SIL1: variants seen among roughly 807,000 people sequenced by gnomAD.
The protein encoded by SIL1 is SIL1 nucleotide exchange factor.
Under a neutral mutation model 49.1 loss-of-function variants are expected in SIL1, and 40 were observed. That is an observed-to-expected ratio of 0.81 (90% confidence interval 0.63 to 1.06). The LOEUF (loss-of-function observed/expected upper bound fraction) is 1.06. Among genes scored for constraint, SIL1 ranks in the 50% least tolerant of loss-of-function variants. The probability of loss-of-function intolerance (pLI) is 0.00; values close to 1 mark genes in which losing one functional copy is unlikely to be tolerated. For missense variants in SIL1, 500 were observed against 572.6 expected, an observed-to-expected ratio of 0.87 and a Z score of 1.29; for synonymous variants, 253 against 250.8, an observed-to-expected ratio of 1.01 and a Z score of -0.08.
chr5:139,133,418 A>C (rs1750908736), intron 1 of SIL1: 2 of 152,274 alleles, frequency 1.3e-5, no homozygotes, highest in African/African-American at 2.4e-5. Flanking sequence ...CACCTCTCTC[A>C]GTGCCTCATG....
chr5:139,117,798 A>AG (rs1160949229), intron 3 of SIL1, among the ~76,000 whole-genome samples: 1 of 152,292 alleles, frequency 6.6e-6, no homozygotes, highest in East Asian at 1.9e-4. Flanking sequence ...GATAGACTTC[A>AG]GGAGATTCAC....
chr5:139,074,057 T>C (rs1483328198), intron 3 of SIL1, among the ~76,000 whole-genome samples: 3 of 152,230 alleles, frequency 2.0e-5, no homozygotes, highest in Non-Finnish European at 2.9e-5. Flanking sequence ...AGCTATACTT[T>C]AGTTTGTTTT....
intron 7 of SIL1, among the ~76,000 whole-genome samples, chr5:138,958,521 T>C (rs1766948527): frequency 6.6e-6 from 1 of 152,196 alleles, no homozygotes; most frequent in African/African-American, 2.4e-5. Flanking sequence ...GTAGTCGTTT[T>C]GGCAATCATT....
At chr5:139,180,011 G>C (rs1258086718) in intron 1 of SIL1, among the ~76,000 whole-genome samples, 1 of 150,216 alleles carries the variant, frequency 6.7e-6, no homozygotes, top group Admixed American at 6.7e-5. Flanking sequence ...AGCCAAGACT[G>C]TGCCACTGCA....
In SIL1 at chr5:138,946,761, T is replaced by A. The variant is rs904566698; in HGVS notation, c.*356A>T. 6 of 309,638 alleles carry A rather than the reference T, an allele frequency of 1.9e-5. No homozygotes were observed. Among genetic ancestry groups the A allele is most frequent in the African/African-American group, 1.1e-4 (5 of 46,926 alleles). 19.2% of individuals were successfully genotyped at this position (309,638 alleles called of 1,614,324 possible). A position where few individuals can be genotyped will look rare whatever the true frequency, so the allele number is the denominator to read the frequency against. On this transcript the variant is annotated 3_prime_UTR_variant, in exon 10 of 10. Transcript: ENST00000394817. The stretch of plus-strand genomic sequence containing the variant: ...CTCCTTTAATGGCACTCCTGACAGA[T>A]GAGGAAACAAGCTCAGAGCAATTAA...
At chr5:138,992,571 C>A (rs1182751009) in intron 7 of SIL1, among the ~76,000 whole-genome samples, 1 of 152,172 alleles carries the variant, frequency 6.6e-6, no homozygotes, top group Non-Finnish European at 1.5e-5. Flanking sequence ...TCTTGGTATG[C>A]TATGCTCTTC....
chr5:139,106,437 C>A (rs1770714660), intron 3 of SIL1, among the ~76,000 whole-genome samples: 1 of 152,224 alleles, frequency 6.6e-6, no homozygotes, highest in Non-Finnish European at 1.5e-5. Context: ...CCATTTGTCA[C>A]AGCATTGAGT....
intron 1 of SIL1, among the ~76,000 whole-genome samples, chr5:139,192,415 G>T (rs1475107742): frequency 6.6e-6 from 1 of 152,172 alleles, no homozygotes; most frequent in Non-Finnish European, 1.5e-5. Flanking sequence ...TGCCAGTGAT[G>T]ATAAGTGGTA....
intron 3 of SIL1, among the ~76,000 whole-genome samples, chr5:139,084,048 T>C (rs1770153597): frequency 7.0e-6 from 1 of 143,720 alleles, no homozygotes; most frequent in Admixed American, 7.0e-5. Context: ...ATATCTCTGT[T>C]TTGGTACCAG....
At chr5:139,058,467 G>A (rs1345239587) in intron 3 of SIL1, among the ~76,000 whole-genome samples, 1 of 152,132 alleles carries the variant, frequency 6.6e-6, no homozygotes, top group Non-Finnish European at 1.5e-5. Context: ...TACCACTGTG[G>A]TAATCATCTA....
At chr5:139,171,299 G>A (rs1183652238) in intron 1 of SIL1, among the ~76,000 whole-genome samples, 1 of 152,066 alleles carries the variant, frequency 6.6e-6, no homozygotes, top group African/African-American at 2.4e-5. Flanking sequence ...TCGGATGGTT[G>A]CCGTATCTGT....
At chr5:139,072,638 G>A (rs1769858520) in intron 3 of SIL1, among the ~76,000 whole-genome samples, 1 of 152,176 alleles carries the variant, frequency 6.6e-6, no homozygotes, top group Non-Finnish European at 1.5e-5. Flanking sequence ...AAAGCTCCAT[G>A]ACATTAGTCT....
intron 5 of SIL1, chr5:139,034,543 A>G (rs887232252): frequency 6.6e-6 from 1 of 152,192 alleles, no homozygotes; most frequent in Non-Finnish European, 1.5e-5. Flanking sequence ...AATATACATA[A>G]GTAACATCAT....
chr5:139,127,617 C>A (rs1750778937), intron 2 of SIL1, 122 bp downstream of exon 2: 2 of 772,640 alleles, frequency 2.6e-6, no homozygotes, highest in Admixed American at 2.1e-5. Context: ...CCACTGCCAG[C>A]CACACTCACA....
At chr5:139,077,376 T>A (rs550738581) in intron 3 of SIL1, among the ~76,000 whole-genome samples, 2 of 152,306 alleles carry the variant, frequency 1.3e-5, no homozygotes, top group South Asian at 4.1e-4. Context: ...TATATCTCAA[T>A]TTCCCCTACA....
intron 5 of SIL1, among the ~76,000 whole-genome samples, chr5:139,039,344 T>C (rs950853707): frequency 6.6e-6 from 1 of 152,178 alleles, no homozygotes; most frequent in Non-Finnish European, 1.5e-5. Flanking sequence ...CACCTCAATG[T>C]CCACTGCACT....
At chr5:139,170,354 T>C (rs1751726573) in intron 1 of SIL1, among the ~76,000 whole-genome samples, 2 of 150,584 alleles carry the variant, frequency 1.3e-5, no homozygotes, top group South Asian at 4.2e-4. Context: ...GGAGCCCCTC[T>C]GCCTGGCTGC....
At chr5:139,123,068 C>T (rs1405871033) in intron 2 of SIL1, among the ~76,000 whole-genome samples, 1 of 152,042 alleles carries the variant, frequency 6.6e-6, no homozygotes, top group Non-Finnish European at 1.5e-5. Context: ...ATGGTGGCTG[C>T]TACTATTACT....
chr5:139,079,167 A>G (rs186315721), intron 3 of SIL1, among the ~76,000 whole-genome samples: 102 of 152,332 alleles, frequency 6.7e-4, no homozygotes, highest in Admixed American at 1.2e-3. Context: ...ACATCAGATG[A>G]AAAGGGGCTT....
Sources: gnomAD v4.1 joint callset for allele counts (sites outside exome capture counted in the v4.1 genomes callset) on GRCh38, gnomAD v4.1.1 for gene constraint, MANE v1.5 for transcripts, NCBI Gene and HGNC (gene_info 2026-07-23, HGNC 2026-07-21) for gene names.